FAM234B: variants seen among roughly 807,000 people sequenced by gnomAD.
FAM234B encodes the protein protein FAM234B.
A neutral mutation model predicts 69.3 loss-of-function variants in FAM234B; 33 were observed. The ratio of observed to expected loss-of-function variants is 0.48; its 90% CI spans 0.36 to 0.64. FAM234B has a LOEUF of 0.64. FAM234B is among the 30% of genes least tolerant of loss of function. The pLI is 0.00. For missense variants in FAM234B, 697 were observed against 769.7 expected (o/e 0.91, Z 1.12); for synonymous variants, 306 against 306.9 (o/e 1.00, Z 0.03).
chr12:13,057,995 CTGTT>C (rs1312967022), intron 2 of FAM234B, among the ~76,000 whole-genome samples: 1 of 152,182 alleles, frequency 6.6e-6, no homozygotes, highest in African/African-American at 2.4e-5. Flanking sequence ...ATAATTTTAT[CTGTT>C]TGGTTGGAGT....
At chr12:13,076,401 G>A (rs541750123) in intron 11 of FAM234B, among the ~76,000 whole-genome samples, 1 of 152,290 alleles carries the variant, frequency 6.6e-6, no homozygotes, top group South Asian at 2.1e-4. Context: ...TCTGTAAGGT[G>A]ATGATTCATC....
Position 13,046,450 on chromosome 12 carries a change from G to GT in FAM234B, c.37+2017dup, listed in dbSNP as rs200997801. Among the ~76,000 whole-genome samples the GT allele has an allele frequency of 1.2e-4, 18 of 151,674 alleles. No individual in the cohort carries two copies. The East Asian group carries it at 3.3e-3, about 28-fold the overall frequency. ...AACATCCCCACTGTTTTCTTTGTTT[G>GT]TTTTTTTGTTTGTTTGTTTGTTTTT... On this transcript the variant is annotated intron_variant, in intron 1 of 12. Transcript: ENST00000197268.
In FAM234B at chr12:13,068,427, G is replaced by C. The variant is rs1459802223; in HGVS notation, c.1266G>C (p.Leu422Phe). 3 of 1,614,046 alleles carry C rather than the reference G, an allele frequency of 1.9e-6. No homozygotes were observed. In the African/African-American group the frequency reaches 4.0e-5, roughly 22 times the overall value. The change falls in exon 8 of 13, where the codon TTG becomes TTC. Residue 422 changes from leucine to phenylalanine, a missense_variant. By Grantham distance (22) the Leu-to-Phe change is conservative. Coordinates refer to ENST00000197268, the MANE Select transcript of FAM234B (RefSeq NM_020853.2). ...RGQNLTPYWA[L>F]RLQGLRSQPT... ...AAAATCTGACACCTTACTGGGCATT[G>C]AGACTTCAAGGCCTGCGCAGGTTTG...
chr12:13,077,898 A>G (rs985595365), intron 11 of FAM234B, among the ~76,000 whole-genome samples: 8 of 152,284 alleles, frequency 5.3e-5, no homozygotes, highest in East Asian at 1.9e-4. Context: ...GTGTAAAAGT[A>G]TTCCTATTTC....
chr12:13,067,369 G>T lies in FAM234B; in HGVS notation c.1142+73G>T, dbSNP rs1865052096. ...CACATGCCTTTGAGTCTCTAAGTTTGGTTGGGCTGGTGAATATGTGGGTAG... is the reference window on the plus strand; with the variant it reads ...CACATGCCTTTGAGTCTCTAAGTTTTGTTGGGCTGGTGAATATGTGGGTAG... On this transcript the variant is annotated intron_variant, in intron 7 of 12. Coordinates refer to ENST00000197268, the MANE Select transcript of FAM234B (RefSeq NM_020853.2). The surrounding 1 kb of genome is among the most constrained non-coding windows in gnomAD (Gnocchi z 4.7). The T allele has an allele frequency of 1.3e-6, 2 of 1,538,928 alleles. No homozygotes were observed. Among genetic ancestry groups the T allele is most frequent in the Middle Eastern group, 1.7e-4 (1 of 5,868 alleles).
chr12:13,062,901 C>T lies in FAM234B; in HGVS notation c.778C>T (p.Pro260Ser). The stretch of plus-strand genomic sequence containing the variant: ...CTTGTCCAACGGTACCTTGGCTGCC[C>T]CAGTTGTGGTACTGCCAGACTTGGA... Reference protein sequence around the residue: ...NYLSNGTLAAPVVVLPDLDED... With the variant: ...NYLSNGTLAASVVVLPDLDED... The change falls in exon 5 of 13, where the codon CCA becomes TCA. Residue 260 changes from proline (P) to serine (S), a missense_variant. By Grantham distance (74) the Pro-to-Ser change is moderately conservative. Coordinates refer to ENST00000197268, the MANE Select transcript of FAM234B (RefSeq NM_020853.2). 1.2e-6 allele frequency: 2 copies of T among 1,614,044 alleles called. No homozygotes were observed. Among genetic ancestry groups the T allele is most frequent in the Non-Finnish European group, 1.7e-6 (2 of 1,179,934 alleles).
chr12:13,076,504 C>T (rs923161814), intron 11 of FAM234B, among the ~76,000 whole-genome samples: 3 of 152,188 alleles, frequency 2.0e-5, no homozygotes, highest in Admixed American at 6.5e-5. Flanking sequence ...AGTTTCTTGA[C>T]CCACTCAGAG....
At chr12:13,071,582 C>T (rs1424388960) in intron 10 of FAM234B, among the ~76,000 whole-genome samples, 186 bp downstream of exon 10, 1 of 152,098 alleles carries the variant, frequency 6.6e-6, no homozygotes, top group African/African-American at 2.4e-5. Context: ...TGCCTTTTAG[C>T]AGAGAATGTG....
chr12:13,076,573 G>A (rs1282950325), intron 11 of FAM234B, among the ~76,000 whole-genome samples: 1 of 152,174 alleles, frequency 6.6e-6, no homozygotes, highest in Non-Finnish European at 1.5e-5. Flanking sequence ...TTTTGCCAGG[G>A]CATTGATTTA....
At position 13,080,743 on chromosome 12, in the gene FAM234B, A is replaced by C. The variant is rs1447158984; in HGVS notation, c.*113A>C. ...GAAGACTTCTTCGTCCTCATTTACCACCTCCCTGATGGTTGCAAAGGCTTG... is the reference window on the plus strand; with the variant it reads ...GAAGACTTCTTCGTCCTCATTTACCCCCTCCCTGATGGTTGCAAAGGCTTG... On this transcript the variant is annotated 3_prime_UTR_variant, in exon 13 of 13. Transcript: ENST00000197268. 3 of 885,514 alleles carry C rather than the reference A, an allele frequency of 3.4e-6. No homozygotes were observed. The highest frequency in any genetic ancestry group is 5.1e-5 in the East Asian group (2 of 38,916). The allele number at this position is 885,514 out of a possible 1,614,324, so 54.9% of individuals were successfully genotyped here. A position where few individuals can be genotyped will look rare whatever the true frequency, so the allele number is the denominator to read the frequency against.
rs1337582541 is a variant in FAM234B, at chr12:13,083,341, A to G, written c.*2711A>G. The G allele has an allele frequency of 1.3e-5, 2 of 152,482 alleles. No homozygotes were observed. Among genetic ancestry groups the G allele is most frequent in the South Asian group, 2.1e-4 (1 of 4,826 alleles). 9.4% of individuals were successfully genotyped at this position (152,482 alleles called of 1,614,324 possible). The stretch of plus-strand genomic sequence containing the variant: ...GGTGAAACTAATCCCCTGAATGTGA[A>G]TTGCTATCCTTATTGCCCTATTAAA... On this transcript the variant is annotated 3_prime_UTR_variant, in exon 13 of 13. Coordinates refer to ENST00000197268, the MANE Select transcript of FAM234B (RefSeq NM_020853.2).
intron 2 of FAM234B, among the ~76,000 whole-genome samples, chr12:13,056,636 A>G (rs1175508663): frequency 1.3e-5 from 2 of 152,188 alleles, no homozygotes; most frequent in African/African-American, 4.8e-5. Context: ...TCCCAGTTGA[A>G]TTAGCTTCTG....
At chr12:13,062,787 C>T in intron 4 of FAM234B, 58 bp from the exon 5 acceptor site, 1 of 1,580,632 alleles carries the variant, frequency 6.3e-7, no homozygotes, top group Non-Finnish European at 8.6e-7. Flanking sequence ...AACATGGCAT[C>T]TGCCTTTTCC....
At chr12:13,065,304 C>T (rs185814524) in intron 5 of FAM234B, among the ~76,000 whole-genome samples, 3 of 152,168 alleles carry the variant, frequency 2.0e-5, no homozygotes, top group Non-Finnish European at 4.4e-5. Context: ...TCGTACTGTT[C>T]CTCATGCAAC....
At chr12:13,073,365 G>C (rs1395146614) in intron 10 of FAM234B, among the ~76,000 whole-genome samples, 3 of 152,126 alleles carry the variant, frequency 2.0e-5, no homozygotes, top group Non-Finnish European at 4.4e-5. Context: ...TTTGAAGACT[G>C]ACACTCAGGC....
chr12:13,073,806 C>G, intron 10 of FAM234B, among the ~76,000 whole-genome samples: 1 of 152,204 alleles, frequency 6.6e-6, no homozygotes, highest in East Asian at 1.9e-4. Flanking sequence ...CATTGGTTCT[C>G]TTCAGTTAGG....
Position 13,076,049 on chromosome 12 carries a change from G to C in FAM234B, c.1548G>C (p.Pro516=). The change falls in exon 11 of 13, where the codon CCG becomes CCC. Residue 516 remains proline, a synonymous_variant. Transcript: ENST00000197268. ...PNSDIILGTE[P]PSLHHLYLLH... Reference sequence around the variant, plus strand: ...AGGATATCATCCTAGGAACTGAGCCGCCCAGCCTTCACCACCTTTACCTCC... The same window carrying C: ...AGGATATCATCCTAGGAACTGAGCCCCCCAGCCTTCACCACCTTTACCTCC... 6.2e-7 allele frequency: 1 copy of C among 1,613,984 alleles called. No homozygotes were observed. The highest frequency in any genetic ancestry group is 2.2e-5 in the East Asian group (1 of 44,876).
intron 11 of FAM234B, among the ~76,000 whole-genome samples, chr12:13,078,149 A>C (rs1865182790): frequency 6.6e-6 from 1 of 151,666 alleles, no homozygotes; most frequent in African/African-American, 2.4e-5. Flanking sequence ...GTTGGAGTTC[A>C]CTGTAGATTC....
At chr12:13,049,203 A>G (rs1864846388) in intron 1 of FAM234B, among the ~76,000 whole-genome samples, 2 of 152,064 alleles carry the variant, frequency 1.3e-5, no homozygotes, top group Non-Finnish European at 2.9e-5. Context: ...TTTTTGAGAC[A>G]AAGTCTTGTT....
Sources: allele counts gnomAD v4.1 joint callset (sites outside exome capture counted in the v4.1 genomes callset), GRCh38; gene constraint gnomAD v4.1.1; non-coding constraint Gnocchi (gnomAD v3.1); transcripts MANE v1.5; gene names NCBI Gene and HGNC (gene_info 2026-07-23, HGNC 2026-07-21).